The following TXLNA variants were observed in gnomAD, a reference collection of about 807,000 sequenced individuals.
TXLNA encodes the protein alpha-taxilin.
In TXLNA, 9 loss-of-function variants were observed where a neutral mutation model predicts 61.4. That is an observed-to-expected ratio of 0.15 (90% confidence interval 0.09 to 0.26). TXLNA has a LOEUF of 0.26. Among genes scored for constraint, TXLNA ranks in the 10% least tolerant of loss-of-function variants. The pLI is 1.00. For synonymous variants in TXLNA, 257 were observed against 267.7 expected, an observed-to-expected ratio of 0.96 and a Z score of 0.39; for missense variants, 565 against 688.8, an observed-to-expected ratio of 0.82 and a Z score of 2.01.
In TXLNA at chr1:32,192,614, C is replaced by T; in HGVS notation, c.1084-43C>T. On this transcript the variant is annotated intron_variant, in intron 7 of 10. Coordinates refer to ENST00000373610, the MANE Select transcript of TXLNA (RefSeq NM_175852.4). This position sits in a 1 kb window ranked among gnomAD's most constrained non-coding sequence, Gnocchi z 4.2. Reference sequence around the variant, plus strand: ...TGTGGCTAAAAACCAAACATAGCCCCTGGGGGCTTCTGACAGGATCTGGGG... The same window carrying T: ...TGTGGCTAAAAACCAAACATAGCCCTTGGGGGCTTCTGACAGGATCTGGGG... 3.1e-6 allele frequency: 5 copies of T among 1,612,840 alleles called. No homozygotes were observed. The highest frequency in any genetic ancestry group is 4.2e-6 in the Non-Finnish European group (5 of 1,178,864).
rs1226670700 is a variant in TXLNA, at chr1:32,195,810, G to A, written c.*615G>A. The A allele has an allele frequency of 6.6e-6, 3 of 456,148 alleles. No homozygotes were observed. The highest frequency in any genetic ancestry group is 8.8e-6 in the Non-Finnish European group (2 of 226,894). 28.3% of individuals were successfully genotyped at this position (456,148 alleles called of 1,614,324 possible). On this transcript the variant is annotated 3_prime_UTR_variant, in exon 11 of 11. Transcript: ENST00000373610. ...GCGTGGGATGATGTGCTGGTCAGGA[G>A]CCCCTTGGGCATCGCTTCCCCTGCC...
chr1:32,187,928 C>A, intron 4 of TXLNA, 26 bp from the exon 5 acceptor site: 1 of 1,607,934 alleles, frequency 6.2e-7, no homozygotes, highest in Non-Finnish European at 8.5e-7. Flanking sequence ...AAGATGCTCA[C>A]CTGCCCTCCC....
chr1:32,183,312 G>C (rs1221592327), intron 3 of TXLNA, among the ~76,000 whole-genome samples: 2 of 146,210 alleles, frequency 1.4e-5, no homozygotes, highest in Non-Finnish European at 3.0e-5. Context: ...TTTTAGTAGT[G>C]ACAGGGTTTC....
Position 32,198,030 on chromosome 1 carries a change from GC to G in TXLNA, c.*2839del. On this transcript the variant is annotated 3_prime_UTR_variant, in exon 11 of 11. Coordinates refer to ENST00000373610, the MANE Select transcript of TXLNA (RefSeq NM_175852.4). ...CTGCTGAGCTGATTCTCCAGCTGCT[GC>G]CCCAGCCTTTCCGCCTTGCACAGCA... is the stretch of plus-strand genomic sequence containing the variant. 1 of 152,544 alleles carries G rather than the reference GC, an allele frequency of 6.6e-6. No homozygotes were observed. The highest frequency in any genetic ancestry group is 1.5e-5 in the Non-Finnish European group (1 of 68,226). 9.4% of individuals were successfully genotyped at this position (152,544 alleles called of 1,614,324 possible).
In TXLNA at chr1:32,195,257, A is replaced by G; in HGVS notation, c.*62A>G. 4 of 1,489,404 alleles carry G rather than the reference A, an allele frequency of 2.7e-6. No homozygotes were observed. Among genetic ancestry groups the G allele is most frequent in the Non-Finnish European group, 3.6e-6 (4 of 1,115,580 alleles). 92.3% of individuals were successfully genotyped at this position (1,489,404 alleles called of 1,614,324 possible). A position where few individuals can be genotyped will look rare whatever the true frequency, so the allele number is the denominator to read the frequency against. ...CAGCCCAGCCAGGCCTGGCCCATAA[A>G]AGGCTCCCATGCTGAGCAGCCCATT... On this transcript the variant is annotated 3_prime_UTR_variant, in exon 11 of 11. Coordinates refer to ENST00000373610, the MANE Select transcript of TXLNA (RefSeq NM_175852.4).
chr1:32,184,719 G>A (rs1323958019), intron 4 of TXLNA, 103 bp downstream of exon 4: 1 of 708,164 alleles, frequency 1.4e-6, no homozygotes, highest in Non-Finnish European at 2.4e-6. Context: ...CTTAATTCCT[G>A]TTCAGCTTTT....
chr1:32,186,082 G>A (rs1642783971), intron 4 of TXLNA, among the ~76,000 whole-genome samples: 2 of 152,098 alleles, frequency 1.3e-5, no homozygotes, highest in Non-Finnish European at 2.9e-5. Flanking sequence ...CTTTAAAATG[G>A]GGAATGTCAT....
intron 4 of TXLNA, among the ~76,000 whole-genome samples, chr1:32,185,455 C>T (rs570022257): frequency 1.3e-5 from 2 of 151,986 alleles, no homozygotes; most frequent in African/African-American, 2.4e-5. Flanking sequence ...TGCAGTGGCA[C>T]GATCTCGGCT....
intron 3 of TXLNA, among the ~76,000 whole-genome samples, chr1:32,183,268 C>T (rs1230352809): frequency 2.7e-5 from 4 of 150,266 alleles, no homozygotes; most frequent in Non-Finnish European, 3.0e-5. Context: ...GGACTACAGG[C>T]GCCTGCCACC....
chr1:32,179,920 C>T (rs1186173901), intron 1 of TXLNA, 144 bp downstream of exon 1: 1 of 152,872 alleles, frequency 6.5e-6, no homozygotes, highest in African/African-American at 2.4e-5. Context: ...TGCCTCGCGG[C>T]TTGAGGGCGC....
intron 3 of TXLNA, among the ~76,000 whole-genome samples, chr1:32,183,324 CTG>C (rs796187950): frequency 1.4e-5 from 2 of 147,790 alleles, no homozygotes; most frequent in African/African-American, 2.5e-5. Flanking sequence ...CAGGGTTTCA[CTG>C]TGTTAGCCAG....
At chr1:32,187,430 G>A (rs1642811425) in intron 4 of TXLNA, among the ~76,000 whole-genome samples, 1 of 152,152 alleles carries the variant, frequency 6.6e-6, no homozygotes, top group African/African-American at 2.4e-5. Context: ...AAGAGGTGAT[G>A]GACTGTGAGG....
At position 32,187,935 on chromosome 1, in the gene TXLNA, T is replaced by A. The variant is rs1359830708; in HGVS notation, c.598-19T>A. 1 of 1,609,602 alleles carries A rather than the reference T, an allele frequency of 6.2e-7. No homozygotes were observed. The highest frequency in any genetic ancestry group is 1.7e-5 in the Admixed American group (1 of 59,752). On this transcript the variant is annotated intron_variant, in intron 4 of 10. Coordinates refer to ENST00000373610, the MANE Select transcript of TXLNA (RefSeq NM_175852.4). ...GGCCCCACAAGATGCTCACCTGCCC[T>A]CCCTATCCCTGTCCCCAGCTGGAGG...
chr1:32,187,222 C>A (rs1166043590), intron 4 of TXLNA, among the ~76,000 whole-genome samples: 1 of 152,110 alleles, frequency 6.6e-6, no homozygotes, highest in African/African-American at 2.4e-5. Context: ...ACATTGATTC[C>A]GTGTTGAAAT....
At position 32,180,320 on chromosome 1, in the gene TXLNA, C is replaced by T. The variant is rs1358384770; in HGVS notation, c.-26C>T. On this transcript the variant is annotated 5_prime_UTR_variant, in exon 2 of 11. Coordinates refer to ENST00000373610, the MANE Select transcript of TXLNA (RefSeq NM_175852.4). ...ACTGTGTTTGTTTCTAAAGGATCTT[C>T]TCCTGACCCAGCATCGCTCATCACA... 1 of 1,587,920 alleles carries T rather than the reference C, an allele frequency of 6.3e-7. No homozygotes were observed.
In TXLNA at chr1:32,192,306, T is replaced by C; in HGVS notation, c.964-5T>C. Reference sequence around the variant, plus strand: ...AGCCGACTGCTCCCACCATCTTTGTTGCAGCATATCGACAAAGTCTTCAAA... The same window carrying C: ...AGCCGACTGCTCCCACCATCTTTGTCGCAGCATATCGACAAAGTCTTCAAA... On this transcript the variant is annotated splice_polypyrimidine_tract_variant and splice_region_variant and intron_variant, in intron 6 of 10. Transcript: ENST00000373610. This position sits in a 1 kb window ranked among gnomAD's most constrained non-coding sequence, Gnocchi z 4.2. 6.2e-7 allele frequency: 1 copy of C among 1,613,578 alleles called. No homozygotes were observed. Among genetic ancestry groups the C allele is most frequent in the Non-Finnish European group, 8.5e-7 (1 of 1,179,538 alleles).
chr1:32,186,357 A>G (rs1018781340), intron 4 of TXLNA, among the ~76,000 whole-genome samples: 2 of 152,158 alleles, frequency 1.3e-5, no homozygotes, highest in African/African-American at 4.8e-5. Flanking sequence ...CTGATTCTCT[A>G]GTTTCTTCTG....
chr1:32,184,662 A>G (rs766104167), intron 4 of TXLNA, 46 bp downstream of exon 4: 1 of 1,379,108 alleles, frequency 7.3e-7, no homozygotes, highest in South Asian at 1.2e-5. Context: ...TGGGAAAATC[A>G]GCATGCCACC....
In TXLNA at chr1:32,180,369, C is replaced by T. The variant is rs758348432; in HGVS notation, c.24C>T (p.Asn8=). The stretch of plus-strand genomic sequence containing the variant: ...CAATGAAGAACCAAGACAAAAAGAA[C>T]GGGGCTGCCAAACAATCCAATCCAA... MKNQDKK[N]GAAKQSNPKS... The change falls in exon 2 of 11, where the codon AAC becomes AAT. Residue 8 remains asparagine (N), a synonymous_variant. Transcript: ENST00000373610. The T allele has an allele frequency of 1.4e-5, 22 of 1,612,796 alleles. 1 individual carries two copies. The Admixed American group carries it at 3.2e-4, about 23-fold the overall frequency.
Sources: allele counts gnomAD v4.1 joint callset (sites outside exome capture counted in the v4.1 genomes callset), GRCh38; gene constraint gnomAD v4.1.1; non-coding constraint Gnocchi (gnomAD v3.1); transcripts MANE v1.5; gene names NCBI Gene and HGNC (gene_info 2026-07-23, HGNC 2026-07-21).